Variants in NUP210 observed in about 807,000 individuals in gnomAD.
NUP210 encodes the protein nucleoporin 210.
Under a neutral mutation model 196.0 loss-of-function variants are expected in NUP210, and 151 were observed. That is an observed-to-expected ratio of 0.77 (90% CI 0.67 to 0.88). The LOEUF (loss-of-function observed/expected upper bound fraction) is 0.88, where lower values mean the gene tolerates loss of function less well. Among genes scored for constraint, NUP210 ranks in the 40% least tolerant of loss-of-function variants. The pLI is 0.00. For synonymous variants in NUP210, 1,070 were observed against 1,052.7 expected (o/e 1.02, Z -0.32); for missense variants, 2,314 against 2,493.7 (o/e 0.93, Z 1.53).
intron 20 of NUP210, chr3:13,345,308 G>A: frequency 1.2e-6 from 1 of 815,598 alleles, no homozygotes; most frequent in African/African-American, 1.9e-5. Flanking sequence ...ATGTGCAAAT[G>A]AGTTAACTGA....
intron 33 of NUP210, among the ~76,000 whole-genome samples, chr3:13,324,627 C>T (rs1379506821): frequency 6.6e-6 from 1 of 152,198 alleles, no homozygotes; most frequent in Non-Finnish European, 1.5e-5. Flanking sequence ...CCAAACCTGC[C>T]TTTAGATTCT....
intron 3 of NUP210, among the ~76,000 whole-genome samples, chr3:13,394,480 A>G (rs1308837056): frequency 6.6e-6 from 1 of 152,244 alleles, no homozygotes; most frequent in African/African-American, 2.4e-5. Context: ...AGGGCCCCCA[A>G]TGCCCAGGAA....
chr3:13,386,395 C>T lies in NUP210; in HGVS notation c.697G>A (p.Ala233Thr). The change falls in exon 6 of 40, where the codon GCA becomes ACA. Residue 233 changes from alanine to threonine, a missense_variant. Ala to Thr is a moderately conservative substitution (Grantham distance 58). Transcript: ENST00000254508. ...TCCAAAATCAGCAGCCTGACTTCTG[C>T]AGGGCGTACATTCTTGGCATAAAGA... ...QEAVYKNVRP[A>T]EVRLLILENI... The T allele has an allele frequency of 6.2e-7, 1 of 1,614,086 alleles. No homozygotes were observed. Among genetic ancestry groups the T allele is most frequent in the Non-Finnish European group, 8.5e-7 (1 of 1,180,016 alleles).
intron 36 of NUP210, among the ~76,000 whole-genome samples, chr3:13,321,226 C>T (rs1303676957): frequency 6.6e-6 from 1 of 152,208 alleles, no homozygotes; most frequent in Non-Finnish European, 1.5e-5. Flanking sequence ...CTTGTCCCAG[C>T]AGGGATTAGG....
chr3:13,373,868 G>A lies in NUP210; in HGVS notation c.1437C>T (p.His479=), dbSNP rs1173262897. The A allele has an allele frequency of 6.8e-6, 11 of 1,612,874 alleles. No homozygotes were observed. The highest frequency in any genetic ancestry group is 6.7e-5 in the East Asian group (3 of 44,802). ...ACCAGCTGAAGTTCCCACTGCCACC[G>A]TGGGCCTGCGGAGGAAAAGCCATCA... The part of the protein sequence containing the change: ...TGAYQYTIRA[H]GGSGNFSWSS... Residue 479 remains histidine, a synonymous_variant, in exon 12 of 40, where the codon CAC becomes CAT. Transcript: ENST00000254508.
Position 13,330,594 on chromosome 3 carries a change from G to T in NUP210, c.3976C>A (p.Pro1326Thr). 6.2e-7 allele frequency: 1 copy of T among 1,614,172 alleles called. No homozygotes were observed. Among genetic ancestry groups the T allele is most frequent in the South Asian group, 1.1e-5 (1 of 91,074 alleles). The change falls in exon 30 of 40, where the codon CCC becomes ACC. Residue 1326 changes from proline to threonine, a missense_variant. Transcript: ENST00000254508. ...ASLSYRVLDG[P>T]EKVPVVHVDE... ...ACATGCACAACTGGAACCTTTTCGG[G>T]TCCATCCAGGACGCGGTAGCTCAGA...
At chr3:13,373,590 G>T in intron 12 of NUP210, 128 bp downstream of exon 12, 4 of 867,554 alleles carry the variant, frequency 4.6e-6, no homozygotes, top group Non-Finnish European at 7.2e-6. Context: ...AAGGGCTGGG[G>T]CTTGAGCTCC....
rs57395477 is a variant in NUP210 at position 13,408,787 on chromosome 3, CAAAAAAAA to C, written c.168-8934_168-8927del. Among the ~76,000 whole-genome samples the C allele has an allele frequency of 4.7e-3, 362 of 77,072 alleles. 2 individuals are homozygous for C. Among genetic ancestry groups the C allele is most frequent in the African/African-American group, 0.013 (340 of 25,944 alleles). 50.6% of individuals were successfully genotyped at this position (77,072 alleles called of 152,430 possible). On this transcript the variant is annotated intron_variant, in intron 1 of 39. Transcript: ENST00000254508. ...TGAGTGACAGGGAGAGACTCTGTCT[CAAAAAAAA>C]AAAAAAAAAAGGTTTTTAATTACAA...
intron 27 of NUP210, among the ~76,000 whole-genome samples, chr3:13,336,453 G>C (rs1697219572): frequency 6.6e-6 from 1 of 152,188 alleles, no homozygotes; most frequent in Non-Finnish European, 1.5e-5. Context: ...AGGGGAATTT[G>C]GCCTCTGGGA....
chr3:13,407,237 C>T (rs1422213016), intron 1 of NUP210, among the ~76,000 whole-genome samples: 1 of 152,192 alleles, frequency 6.6e-6, no homozygotes, highest in African/African-American at 2.4e-5. Context: ...ATTCTGACCA[C>T]AAGAACTTTG....
intron 1 of NUP210, among the ~76,000 whole-genome samples, chr3:13,407,968 TG>T (rs1455979042): frequency 6.6e-6 from 1 of 152,056 alleles, no homozygotes; most frequent in Non-Finnish European, 1.5e-5. Context: ...ATCTTAGTAA[TG>T]GCTAAGGACA....
chr3:13,400,808 C>A (rs1277205657), intron 1 of NUP210, among the ~76,000 whole-genome samples: 1 of 152,166 alleles, frequency 6.6e-6, no homozygotes, highest in Admixed American at 6.5e-5. Flanking sequence ...CCGTGCCTGG[C>A]GCTTGTCTCT....
chr3:13,407,469 G>T (rs923066789), intron 1 of NUP210, among the ~76,000 whole-genome samples: 1 of 152,096 alleles, frequency 6.6e-6, no homozygotes, highest in Non-Finnish European at 1.5e-5. Context: ...CTGAATCAAA[G>T]ATTCAGGCCC....
In NUP210 at chr3:13,354,097, G is replaced by A. The variant is rs761209992; in HGVS notation, c.2339C>T (p.Ser780Phe). The A allele has an allele frequency of 1.6e-5, 26 of 1,590,910 alleles. 1 individual carries two copies. The Admixed American group carries it at 4.2e-4, about 26-fold the overall frequency. ...GTCCAGCCGGGGGTTGCGGTGGCTGGACACTGGGACCTGCAGGGAACACAG... is the reference window on the plus strand; with the variant it reads ...GTCCAGCCGGGGGTTGCGGTGGCTGAACACTGGGACCTGCAGGGAACACAG... ...LQQNKQVVPV[S>F]SHRNPRLDLA... Residue 780 changes from serine (S) to phenylalanine (F), a missense_variant, in exon 17 of 40, where the codon TCC (serine) becomes TTC (phenylalanine). Ser to Phe is a radical substitution (Grantham distance 155). Transcript: ENST00000254508.
intron 1 of NUP210, among the ~76,000 whole-genome samples, chr3:13,412,359 T>C (rs990913951): frequency 2.7e-5 from 4 of 149,454 alleles, no homozygotes; most frequent in African/African-American, 7.4e-5. Flanking sequence ...TGAGCCACCA[T>C]GCTCGGCCCT....
intron 13 of NUP210, among the ~76,000 whole-genome samples, chr3:13,370,809 AG>A (rs1488038040): frequency 6.6e-6 from 1 of 152,250 alleles, no homozygotes; most frequent in Non-Finnish European, 1.5e-5. Context: ...TTGGCACCAC[AG>A]GCGATCCTAC....
intron 35 of NUP210, 150 bp downstream of exon 35, chr3:13,322,043 C>G: frequency 8.7e-7 from 1 of 1,154,728 alleles, no homozygotes; most frequent in African/African-American, 1.5e-5. Context: ...CCTCCCAAGT[C>G]CCCCTGGCGT....
chr3:13,320,309 C>T (rs1312699972), intron 36 of NUP210, among the ~76,000 whole-genome samples: 1 of 152,196 alleles, frequency 6.6e-6, no homozygotes, highest in African/African-American at 2.4e-5. Context: ...AATTCAAGCT[C>T]ATTTAATTCT....
chr3:13,364,192 T>C, intron 14 of NUP210, among the ~76,000 whole-genome samples: 1 of 152,206 alleles, frequency 6.6e-6, no homozygotes, highest in East Asian at 1.9e-4. Flanking sequence ...TCTACCTCTC[T>C]TTGCCAGAAT....
Sources: allele counts gnomAD v4.1 joint callset (sites outside exome capture counted in the v4.1 genomes callset), GRCh38; gene constraint gnomAD v4.1.1; transcripts MANE v1.5; gene names NCBI Gene and HGNC (gene_info 2026-07-23, HGNC 2026-07-21).